The following CTNND2 variants were observed in gnomAD, a reference collection of about 807,000 sequenced individuals.
CTNND2 encodes catenin delta 2.
CTNND2 carries 22 observed loss-of-function variants against 144.4 expected under a neutral mutation model. The observed-to-expected ratio is 0.15, with a 90% CI of 0.11 to 0.22. CTNND2 has a LOEUF of 0.22. Ranked by LOEUF, CTNND2 falls within the 10% of genes least tolerant of loss-of-function variation. The pLI is 1.00. For missense variants in CTNND2, 1,353 were observed against 1,618.8 expected, an observed-to-expected ratio of 0.84 and a Z score of 2.82; for synonymous variants, 751 against 695.6, an observed-to-expected ratio of 1.08 and a Z score of -1.25.
rs200528659 is a variant in CTNND2, at chr5:11,722,877, A to C, written c.174+9259T>G. The stretch of plus-strand genomic sequence containing the variant: ...TATCAAACACATATGACATGCCACC[A>C]TTAAACATAAAAATAAATAGTAAAC... On this transcript the variant is annotated intron_variant, in intron 2 of 21. Transcript: ENST00000304623. Among the ~76,000 whole-genome samples, 9 of 152,342 alleles carry C rather than the reference A, an allele frequency of 5.9e-5. No homozygotes were observed. In the East Asian group the frequency reaches 1.7e-3, roughly 29 times the overall value.
intron 18 of CTNND2, among the ~76,000 whole-genome samples, chr5:11,012,438 G>A (rs1741192034): frequency 6.6e-6 from 1 of 152,184 alleles, no homozygotes; most frequent in Non-Finnish European, 1.5e-5. Context: ...TCTAAGAATA[G>A]CCAGAGACCA....
intron 2 of CTNND2, among the ~76,000 whole-genome samples, chr5:11,710,557 A>G (rs954219210): frequency 1.3e-5 from 2 of 151,334 alleles, no homozygotes; most frequent in African/African-American, 4.9e-5. Flanking sequence ...AAAAAAAAAA[A>G]GACAGAAAGA....
intron 16 of CTNND2, among the ~76,000 whole-genome samples, chr5:11,061,496 T>C (rs920921032): frequency 6.6e-5 from 10 of 152,288 alleles, no homozygotes; most frequent in African/African-American, 2.4e-4. Flanking sequence ...TTCCTGTTTT[T>C]GCCACCTGCG....
chr5:11,448,871 T>C (rs1167511606), intron 3 of CTNND2, among the ~76,000 whole-genome samples: 1 of 151,996 alleles, frequency 6.6e-6, no homozygotes, highest in East Asian at 1.9e-4. Flanking sequence ...AGTTTGTTTG[T>C]TTGTTTGTTT....
intron 18 of CTNND2, among the ~76,000 whole-genome samples, chr5:10,993,491 A>T (rs1033356939): frequency 6.6e-6 from 1 of 152,188 alleles, no homozygotes; most frequent in Non-Finnish European, 1.5e-5. Flanking sequence ...TTTTTATCAA[A>T]GTAACATGTT....
At chr5:11,582,390 AG>A (rs1346629709) in intron 2 of CTNND2, among the ~76,000 whole-genome samples, 1 of 152,210 alleles carries the variant, frequency 6.6e-6, no homozygotes, top group Non-Finnish European at 1.5e-5. Context: ...ATATTGCCCC[AG>A]TTAGGAAATA....
chr5:11,364,644 G>A lies in CTNND2; in HGVS notation c.1372+52C>T, dbSNP rs140775566. The A allele has an allele frequency of 4.5e-3, 6,587 of 1,474,684 alleles. 17 individuals are homozygous for A. Among genetic ancestry groups the A allele is most frequent in the Non-Finnish European group, 5.4e-3 (5,934 of 1,102,812 alleles). 91.3% of individuals were successfully genotyped at this position (1,474,684 alleles called of 1,614,324 possible). ...TTGGGAGTGTTATTGAAGCTCCCGC[G>A]CAGAGCCCACCCCCTGTGGACAGGC... On this transcript the variant is annotated intron_variant, in intron 8 of 21. Transcript: ENST00000304623.
At chr5:11,080,859 T>C (rs1268403734) in intron 16 of CTNND2, among the ~76,000 whole-genome samples, 1 of 152,154 alleles carries the variant, frequency 6.6e-6, no homozygotes. Context: ...GTGGATTACC[T>C]GAGGTCAGGA....
At chr5:11,502,312 G>A (rs550106503) in intron 3 of CTNND2, among the ~76,000 whole-genome samples, 11 of 152,228 alleles carry the variant, frequency 7.2e-5, no homozygotes, top group East Asian at 1.9e-4. Context: ...ACTGTATAGC[G>A]GATGTACAAA....
At chr5:11,747,292 G>A (rs959145851) in intron 1 of CTNND2, among the ~76,000 whole-genome samples, 9 of 152,162 alleles carry the variant, frequency 5.9e-5, no homozygotes, top group African/African-American at 1.2e-4. Context: ...AGATTGAGCC[G>A]AAATTGAAAT....
chr5:11,289,514 T>C (rs1021146199), intron 9 of CTNND2, among the ~76,000 whole-genome samples: 2 of 152,224 alleles, frequency 1.3e-5, no homozygotes, highest in Admixed American at 6.6e-5. Context: ...GCCTTCAAAA[T>C]AGTCCTCTGC....
intron 16 of CTNND2, among the ~76,000 whole-genome samples, chr5:11,023,768 C>T (rs1742534028): frequency 6.6e-6 from 1 of 152,120 alleles, no homozygotes; most frequent in Admixed American, 6.5e-5. Context: ...CTTACTATTC[C>T]CAATGACAAA....
chr5:11,110,413 A>G (rs1309684480), intron 14 of CTNND2, among the ~76,000 whole-genome samples: 1 of 152,136 alleles, frequency 6.6e-6, no homozygotes, highest in East Asian at 1.9e-4. Context: ...GAAAATCTAA[A>G]TGCTTCGAAA....
intron 3 of CTNND2, among the ~76,000 whole-genome samples, chr5:11,430,539 G>A (rs899245340): frequency 6.6e-6 from 1 of 151,590 alleles, no homozygotes; most frequent in African/African-American, 2.4e-5. Context: ...TTGAAATTTA[G>A]AATTTTAATT....
chr5:11,046,934 C>T (rs1745324750), intron 16 of CTNND2, among the ~76,000 whole-genome samples: 1 of 152,190 alleles, frequency 6.6e-6, no homozygotes, highest in Non-Finnish European at 1.5e-5. Context: ...AGCTCAAGAC[C>T]AATTTCTCTA....
chr5:11,582,712 C>T (rs1778529864), intron 2 of CTNND2, among the ~76,000 whole-genome samples: 1 of 152,170 alleles, frequency 6.6e-6, no homozygotes, highest in Admixed American at 6.5e-5. Flanking sequence ...AAATATTCTT[C>T]TACAGATGGA....
chr5:11,901,891 C>A (rs73743319), intron 1 of CTNND2, among the ~76,000 whole-genome samples: 346 of 152,152 alleles, frequency 2.3e-3, no homozygotes, highest in African/African-American at 8.1e-3. Flanking sequence ...GAAAAGGAAA[C>A]GAGACATGTA....
At chr5:11,569,934 G>T (rs1777427490) in intron 2 of CTNND2, among the ~76,000 whole-genome samples, 1 of 152,252 alleles carries the variant, frequency 6.6e-6, no homozygotes, top group Non-Finnish European at 1.5e-5. Flanking sequence ...CTCCAGAACT[G>T]TAAGAAATGT....
At chr5:11,177,929 C>T (rs575388104) in intron 11 of CTNND2, among the ~76,000 whole-genome samples, 1 of 152,210 alleles carries the variant, frequency 6.6e-6, no homozygotes, top group East Asian at 1.9e-4. Context: ...AATACTATAG[C>T]AAGTTGTTTA....
Sources: gnomAD v4.1 joint callset for allele counts (sites outside exome capture counted in the v4.1 genomes callset) on GRCh38, gnomAD v4.1.1 for gene constraint, MANE v1.5 for transcripts, NCBI Gene and HGNC (gene_info 2026-07-23, HGNC 2026-07-21) for gene names.